The following DENND1A variants were observed in gnomAD, a reference collection of about 807,000 sequenced individuals.
The protein encoded by DENND1A is DENN domain-containing protein 1A.
A neutral mutation model predicts 113.7 loss-of-function variants in DENND1A; 51 were observed. The ratio of observed to expected loss-of-function variants is 0.45; its 90% CI spans 0.36 to 0.57. The LOEUF (loss-of-function observed/expected upper bound fraction) is 0.57. DENND1A is among the 20% of genes least tolerant of loss of function. The pLI is 0.00. For missense variants in DENND1A, 1,258 were observed against 1,395.9 expected (o/e 0.90, Z 1.57); for synonymous variants, 565 against 570.8 (o/e 0.99, Z 0.14).
chr9:123,640,748 G>C (rs1453641214), intron 9 of DENND1A, among the ~76,000 whole-genome samples: 1 of 152,216 alleles, frequency 6.6e-6, no homozygotes, highest in Non-Finnish European at 1.5e-5. Flanking sequence ...TAACCACCTT[G>C]AGGTAGGTGT....
At chr9:123,881,821 G>A (rs912223045) in intron 1 of DENND1A, among the ~76,000 whole-genome samples, 2 of 152,032 alleles carry the variant, frequency 1.3e-5, no homozygotes, top group African/African-American at 4.8e-5. Context: ...CTGAACCCAC[G>A]ACACCACTGA....
intron 5 of DENND1A, among the ~76,000 whole-genome samples, chr9:123,743,168 G>A (rs962196153): frequency 2.0e-5 from 3 of 152,086 alleles, no homozygotes; most frequent in Non-Finnish European, 2.9e-5. Context: ...ACTTTGGGAG[G>A]TTGAGACAGG....
intron 11 of DENND1A, among the ~76,000 whole-genome samples, chr9:123,597,112 C>T (rs1398730215): frequency 6.6e-6 from 1 of 152,200 alleles, no homozygotes; most frequent in Non-Finnish European, 1.5e-5. Context: ...CACACAACTG[C>T]CACTTGCCAT....
At chr9:123,503,436 G>T (rs779217759) in intron 13 of DENND1A, among the ~76,000 whole-genome samples, 2 of 152,170 alleles carry the variant, frequency 1.3e-5, no homozygotes, top group Non-Finnish European at 2.9e-5. Flanking sequence ...TCTTCTGCCT[G>T]CAACCTCTTA....
At chr9:123,755,309 CTTT>C (rs1237385687) in intron 5 of DENND1A, among the ~76,000 whole-genome samples, 2 of 143,188 alleles carry the variant, frequency 1.4e-5, no homozygotes, top group Non-Finnish European at 3.1e-5. Flanking sequence ...TTCTTTCTTT[CTTT>C]TTTTTTTTTT....
chr9:123,720,937 C>A (rs749991055), intron 5 of DENND1A, among the ~76,000 whole-genome samples: 57 of 152,210 alleles, frequency 3.7e-4, no homozygotes, highest in Non-Finnish European at 7.3e-4. Flanking sequence ...ATTTAAAAAG[C>A]AGAATGCTAG....
intron 2 of DENND1A, among the ~76,000 whole-genome samples, chr9:123,857,251 G>C (rs1239539397): frequency 1.3e-5 from 2 of 152,142 alleles, no homozygotes; most frequent in African/African-American, 4.8e-5. Context: ...AGAATGATGA[G>C]GACCAGTCAA....
chr9:123,574,345 C>T (rs1375745162), intron 12 of DENND1A, among the ~76,000 whole-genome samples: 2 of 151,698 alleles, frequency 1.3e-5, no homozygotes, highest in Admixed American at 6.6e-5. Context: ...ACCAGGGAGG[C>T]TCTCTGGGCC....
At chr9:123,468,154 G>T (rs890899316) in intron 13 of DENND1A, among the ~76,000 whole-genome samples, 1 of 152,120 alleles carries the variant, frequency 6.6e-6, no homozygotes, top group South Asian at 2.1e-4. Context: ...TCTCAGCTCT[G>T]CTCCTTGCTG....
At chr9:123,614,304 C>A (rs1251292745) in intron 10 of DENND1A, among the ~76,000 whole-genome samples, 1 of 152,146 alleles carries the variant, frequency 6.6e-6, no homozygotes, top group Non-Finnish European at 1.5e-5. Flanking sequence ...CGCTGGGGTA[C>A]CAAAAGGGCT....
intron 7 of DENND1A, among the ~76,000 whole-genome samples, chr9:123,668,914 G>T (rs2063624157): frequency 6.6e-6 from 1 of 152,118 alleles, no homozygotes; most frequent in African/African-American, 2.4e-5. Context: ...ATACCAAAGG[G>T]CTAGAAGTTT....
Position 123,655,306 on chromosome 9 carries a change from C to T in DENND1A, c.508-3183G>A, listed in dbSNP as rs183257824. ...TCCAGCAGTTTGATGACAGCAAGCT[C>T]GGTGCACGGAGGAAGCAATGGCTGA... is the stretch of plus-strand genomic sequence containing the variant. On this transcript the variant is annotated intron_variant, in intron 8 of 23. Coordinates refer to ENST00000394215, the MANE Select transcript of DENND1A (RefSeq NM_001352964.2). Among the ~76,000 whole-genome samples the T allele has an allele frequency of 2.3e-3, 347 of 152,228 alleles. 1 individual carries two copies. The highest frequency in any genetic ancestry group is 4.2e-3 in the Non-Finnish European group (284 of 68,008).
chr9:123,714,168 G>C (rs1353438422), intron 5 of DENND1A, among the ~76,000 whole-genome samples: 2 of 152,198 alleles, frequency 1.3e-5, no homozygotes, highest in Non-Finnish European at 2.9e-5. Context: ...AATCACTCTG[G>C]TGGGCTGGGA....
At position 123,909,238 on chromosome 9, in the gene DENND1A, A is replaced by T. The variant is rs557895894; in HGVS notation, c.17+20651T>A. On this transcript the variant is annotated intron_variant, in intron 1 of 23. Coordinates refer to ENST00000394215, the MANE Select transcript of DENND1A (RefSeq NM_001352964.2). The stretch of plus-strand genomic sequence containing the variant: ...GGGAAGGGATAGCATTGGCAGATAT[A>T]CCTAATGCTAGATGATGAGTTAGTG... Among the ~76,000 whole-genome samples the T allele has an allele frequency of 2.2e-3, 337 of 152,264 alleles. 2 individuals are homozygous for T. Among genetic ancestry groups the T allele is most frequent in the African/African-American group, 7.7e-3 (318 of 41,544 alleles).
At chr9:123,512,226 AG>A (rs2053519093) in intron 13 of DENND1A, among the ~76,000 whole-genome samples, 1 of 152,212 alleles carries the variant, frequency 6.6e-6, no homozygotes, top group South Asian at 2.1e-4. Flanking sequence ...CTCACTGTGG[AG>A]CCCTCTCCTC....
intron 2 of DENND1A, among the ~76,000 whole-genome samples, chr9:123,839,293 T>A (rs997090839): frequency 6.6e-5 from 10 of 152,210 alleles, no homozygotes; most frequent in African/African-American, 1.7e-4. Context: ...CAGCTGGTTT[T>A]GCTTCCTGTC....
At chr9:123,752,797 C>T (rs1424544710) in intron 5 of DENND1A, among the ~76,000 whole-genome samples, 3 of 152,212 alleles carry the variant, frequency 2.0e-5, no homozygotes, top group African/African-American at 7.2e-5. Flanking sequence ...TATATTGCAT[C>T]AGACTCAGAT....
chr9:123,414,553 G>A (rs1300804725), intron 19 of DENND1A: 1 of 1,550,086 alleles, frequency 6.5e-7, no homozygotes, highest in African/African-American at 1.4e-5. Flanking sequence ...GAGAAATGCT[G>A]TCTTCTGTCT....
At chr9:123,510,791 T>C (rs1415592890) in intron 13 of DENND1A, among the ~76,000 whole-genome samples, 2 of 152,192 alleles carry the variant, frequency 1.3e-5, no homozygotes, top group African/African-American at 2.4e-5. Context: ...AGAAAGGGGA[T>C]GCTTTACACT....
Sources: gnomAD v4.1 joint callset for allele counts (sites outside exome capture counted in the v4.1 genomes callset) on GRCh38, gnomAD v4.1.1 for gene constraint, MANE v1.5 for transcripts, NCBI Gene and HGNC (gene_info 2026-07-23, HGNC 2026-07-21) for gene names.